Variants in GPHN observed in about 807,000 individuals in gnomAD.
GPHN encodes gephyrin.
A neutral mutation model predicts 95.5 loss-of-function variants in GPHN; 17 were observed. The observed-to-expected ratio is 0.18, with a 90% CI of 0.12 to 0.27. The LOEUF is 0.27. Ranked by LOEUF, GPHN falls within the 10% of genes least tolerant of loss-of-function variation. The pLI is 1.00. For missense variants in GPHN, 660 were observed against 978.1 expected (o/e 0.67, Z 4.34); for synonymous variants, 320 against 322.5 (o/e 0.99, Z 0.08).
intron 10 of GPHN, 84 bp downstream of exon 10, chr14:67,023,759 A>C: frequency 9.2e-7 from 1 of 1,084,414 alleles, no homozygotes; most frequent in Non-Finnish European, 1.4e-6. Context: ...AAAAGAAGAA[A>C]AGCAATGGGG....
intron 11 of GPHN, among the ~76,000 whole-genome samples, chr14:67,068,093 G>T (rs2076138295): frequency 6.6e-6 from 1 of 152,010 alleles, no homozygotes; most frequent in Admixed American, 6.6e-5. Context: ...TTGGAACAGA[G>T]TCCCAGTGAT....
At chr14:66,898,102 C>G (rs891747391) in intron 5 of GPHN, among the ~76,000 whole-genome samples, 2 of 151,912 alleles carry the variant, frequency 1.3e-5, no homozygotes, top group Admixed American at 1.3e-4. Context: ...GTTCTAGAAA[C>G]CTGTCCTTCG....
chr14:66,992,971 C>T (rs986668361), intron 9 of GPHN, among the ~76,000 whole-genome samples: 2 of 152,112 alleles, frequency 1.3e-5, no homozygotes, highest in African/African-American at 4.8e-5. Flanking sequence ...AAAATATTTA[C>T]TCTCTATTTA....
At chr14:67,091,229 A>G (rs1294116826) in intron 12 of GPHN, among the ~76,000 whole-genome samples, 1 of 152,030 alleles carries the variant, frequency 6.6e-6, no homozygotes, top group Non-Finnish European at 1.5e-5. Flanking sequence ...AATACTTCTG[A>G]AATTGGCAAA....
intron 3 of GPHN, among the ~76,000 whole-genome samples, chr14:66,799,439 G>A (rs2060268801): frequency 6.6e-6 from 1 of 151,704 alleles, no homozygotes; most frequent in African/African-American, 2.4e-5. Flanking sequence ...ATTGTGTTGG[G>A]GCCTCTCTCT....
At chr14:66,519,157 A>G (rs1417262589) in intron 1 of GPHN, among the ~76,000 whole-genome samples, 4 of 151,998 alleles carry the variant, frequency 2.6e-5, no homozygotes, top group Admixed American at 1.3e-4. Context: ...CAAATAAGAA[A>G]GCTCCTGAAT....
intron 1 of GPHN, among the ~76,000 whole-genome samples, chr14:66,591,967 T>C (rs1388402342): frequency 6.6e-6 from 1 of 152,110 alleles, no homozygotes; most frequent in African/African-American, 2.4e-5. Flanking sequence ...ATATATAGGC[T>C]AATGGAACAG....
At chr14:67,501,849 A>C in the GPHN span, among the ~76,000 whole-genome samples, 2 of 152,244 alleles carry the variant, frequency 1.3e-5, no homozygotes. Flanking sequence ...CCACTAATCA[A>C]GCACATTCAC....
At chr14:66,582,725 T>C (rs150528531) in intron 1 of GPHN, among the ~76,000 whole-genome samples, 8,808 of 152,254 alleles carry the variant, frequency 0.058, 352 homozygotes, top group Middle Eastern at 0.099. Flanking sequence ...CATCATTTTT[T>C]ATGGCAGCAT....
intron 1 of GPHN, among the ~76,000 whole-genome samples, chr14:66,602,797 GGGT>G (rs2062319229): frequency 6.6e-6 from 1 of 151,752 alleles, no homozygotes; most frequent in African/African-American, 2.4e-5. Flanking sequence ...TTAAGGAGGG[GGGT>G]GGAAGATGAC....
chr14:67,626,722 A>G, the GPHN span, among the ~76,000 whole-genome samples: 1 of 152,202 alleles, frequency 6.6e-6, no homozygotes, highest in East Asian at 1.9e-4. Flanking sequence ...AGCCTCCCAA[A>G]GTGCTAGGAT....
chr14:67,320,999 A>G, the GPHN span: 2 of 1,416,136 alleles, frequency 1.4e-6, no homozygotes, highest in Non-Finnish European at 2.0e-6. Context: ...TAGCAGAATT[A>G]TCCCCTGTCC....
chr14:66,947,657 T>G (rs2067844746), intron 8 of GPHN, among the ~76,000 whole-genome samples: 1 of 152,210 alleles, frequency 6.6e-6, no homozygotes, highest in Admixed American at 6.5e-5. Context: ...ATACCCATGA[T>G]GTATAAGAAT....
At chr14:66,784,687 T>C (rs1444022205) in intron 3 of GPHN, among the ~76,000 whole-genome samples, 1 of 152,194 alleles carries the variant, frequency 6.6e-6, no homozygotes, top group African/African-American at 2.4e-5. Context: ...TATATCTGTA[T>C]ATTGTAATAC....
the GPHN span, among the ~76,000 whole-genome samples, chr14:67,369,670 G>A: frequency 6.6e-6 from 1 of 152,116 alleles, no homozygotes. Context: ...TCATATCTTG[G>A]GAGGGAAGAG....
intron 8 of GPHN, among the ~76,000 whole-genome samples, chr14:66,949,993 G>GAAAAAAAAAAAAAAAAAAAA (rs71129809): frequency 1.7e-5 from 1 of 57,816 alleles, no homozygotes; most frequent in Non-Finnish European, 3.9e-5. Flanking sequence ...TTTAGGACAG[G>GAAAAAAAAAAAAAAAAAAAA]AAAAAAAAAA....
the GPHN span, chr14:67,376,715 G>T: frequency 1.0e-6 from 1 of 965,098 alleles, no homozygotes; most frequent in Non-Finnish European, 1.5e-6. Flanking sequence ...GTATTGGCCA[G>T]TAAATGGGCC....
chr14:67,112,921 C>T, intron 15 of GPHN, 97 bp from the exon 16 acceptor site: 1 of 1,065,198 alleles, frequency 9.4e-7, no homozygotes. Flanking sequence ...ACTTTTTTGT[C>T]TTCTTGAATG....
At chr14:67,374,008 T>C in the GPHN span, among the ~76,000 whole-genome samples, 1 of 152,244 alleles carries the variant, frequency 6.6e-6, no homozygotes, top group African/African-American at 2.4e-5. Flanking sequence ...TTGAAAATTA[T>C]TAGTTCTCTC....
Sources: allele counts gnomAD v4.1 joint callset (sites outside exome capture counted in the v4.1 genomes callset), GRCh38; gene constraint gnomAD v4.1.1; transcripts MANE v1.5; gene names NCBI Gene and HGNC (gene_info 2026-07-23, HGNC 2026-07-21).